Variants in SHANK2 observed in about 807,000 individuals in gnomAD.
The protein encoded by SHANK2 is SH3 and multiple ankyrin repeat domains protein 2.
A neutral mutation model predicts 133.7 loss-of-function variants in SHANK2; 43 were observed. The observed-to-expected ratio is 0.32, with a 90% confidence interval of 0.25 to 0.41. The LOEUF is 0.41. SHANK2 is among the 10% of genes least tolerant of loss of function. The pLI, the probability that SHANK2 is intolerant of heterozygous loss-of-function variation, is 1.00. For missense variants in SHANK2, 1,994 were observed against 2,235.8 expected, an observed-to-expected ratio of 0.89 and a Z score of 2.18; for synonymous variants, 1,017 against 952.8, an observed-to-expected ratio of 1.07 and a Z score of -1.24.
intron 24 of SHANK2, among the ~76,000 whole-genome samples, chr11:70,488,741 A>G (rs1338393391): frequency 3.3e-5 from 5 of 152,240 alleles, no homozygotes; most frequent in African/African-American, 1.2e-4. Flanking sequence ...GGACCACCAT[A>G]ATCGCAACTA....
intron 2 of SHANK2, among the ~76,000 whole-genome samples, chr11:71,204,492 C>T (rs782417122): frequency 6.6e-6 from 1 of 152,166 alleles, no homozygotes; most frequent in Non-Finnish European, 1.5e-5. Context: ...GGAAGAGGCA[C>T]CACAGGGTGC....
intron 17 of SHANK2, among the ~76,000 whole-genome samples, chr11:70,565,891 G>T (rs2059962485): frequency 6.6e-6 from 1 of 151,966 alleles, no homozygotes; most frequent in Non-Finnish European, 1.5e-5. Context: ...CAAACATAAA[G>T]CAATGTAAAG....
chr11:70,937,939 G>C (rs1379805949), intron 10 of SHANK2, among the ~76,000 whole-genome samples: 1 of 152,152 alleles, frequency 6.6e-6, no homozygotes, highest in Non-Finnish European at 1.5e-5. Flanking sequence ...GTGGATGCCT[G>C]TGTGCATGCC....
At chr11:70,635,705 T>C (rs1555003754) in intron 17 of SHANK2, among the ~76,000 whole-genome samples, 1 of 152,096 alleles carries the variant, frequency 6.6e-6, no homozygotes, top group Admixed American at 6.5e-5. Context: ...TGGTAAATTT[T>C]ACGGTATGTG....
chr11:70,630,777 T>C lies in SHANK2; in HGVS notation c.2061+29051A>G, dbSNP rs568600659. 6.6e-5 allele frequency among the ~76,000 whole-genome samples: 10 copies of C among 152,288 alleles called. 2 individuals carry two copies. Among genetic ancestry groups the C allele is most frequent in the African/African-American group, 2.2e-4 (9 of 41,552 alleles). The stretch of plus-strand genomic sequence containing the variant: ...GGAGGGAGAGGGCCCTGCCGACACC[T>C]TGACATTGGTCTCTGCCTCCAGAAC... On this transcript the variant is annotated intron_variant, in intron 17 of 25. Coordinates refer to ENST00000601538, the MANE Select transcript of SHANK2 (RefSeq NM_012309.5).
chr11:70,905,360 C>T (rs993030994), intron 10 of SHANK2, among the ~76,000 whole-genome samples: 4 of 152,224 alleles, frequency 2.6e-5, no homozygotes, highest in Non-Finnish European at 4.4e-5. Flanking sequence ...CACAAAGTGC[C>T]GCATCCTATA....
At chr11:70,923,054 A>T (rs1555080961) in intron 10 of SHANK2, among the ~76,000 whole-genome samples, 1 of 152,182 alleles carries the variant, frequency 6.6e-6, no homozygotes, top group African/African-American at 2.4e-5. Flanking sequence ...CAAACCCAAA[A>T]CCCAAACAGG....
intron 3 of SHANK2, among the ~76,000 whole-genome samples, chr11:71,135,482 GTT>G (rs71949830): frequency 0.067 from 7,770 of 115,498 alleles, 348 homozygotes; most frequent in African/African-American, 0.18. Flanking sequence ...GGGGGGATAT[GTT>G]TTTTTTTTTT....
intron 17 of SHANK2, among the ~76,000 whole-genome samples, chr11:70,579,493 G>A (rs1190357347): frequency 6.6e-6 from 1 of 152,164 alleles, no homozygotes; most frequent in Non-Finnish European, 1.5e-5. Context: ...TGGTATGAAT[G>A]TAAGACAGGC....
At chr11:70,785,778 C>T (rs894116227) in intron 14 of SHANK2, among the ~76,000 whole-genome samples, 9 of 152,172 alleles carry the variant, frequency 5.9e-5, no homozygotes, top group African/African-American at 1.9e-4. Context: ...GAGGTAACAG[C>T]GGCCTTGGGC....
chr11:70,944,683 T>A (rs1371058522), intron 10 of SHANK2, among the ~76,000 whole-genome samples: 1 of 152,154 alleles, frequency 6.6e-6, no homozygotes, highest in East Asian at 1.9e-4. Context: ...TGCCTGGGGG[T>A]GTCTTCTCAC....
chr11:71,234,713 C>A (rs977155841), intron 1 of SHANK2, among the ~76,000 whole-genome samples: 6 of 152,118 alleles, frequency 3.9e-5, no homozygotes, highest in African/African-American at 1.4e-4. Context: ...TGCCCGCATT[C>A]GAGCTAAGTC....
At chr11:70,714,456 CATT>C (rs1565262992) in intron 14 of SHANK2, among the ~76,000 whole-genome samples, 1 of 152,218 alleles carries the variant, frequency 6.6e-6, no homozygotes, top group African/African-American at 2.4e-5. Context: ...CAGGCACTGT[CATT>C]ATAATAATCA....
chr11:71,164,931 A>T (rs11604930), intron 2 of SHANK2, among the ~76,000 whole-genome samples: 15,810 of 152,216 alleles, frequency 0.1, 1,045 homozygotes, highest in Non-Finnish European at 0.14. Context: ...ATCATCTGTA[A>T]TGACAGTATT....
At chr11:71,060,709 T>A (rs1950977123) in intron 9 of SHANK2, among the ~76,000 whole-genome samples, 1 of 152,140 alleles carries the variant, frequency 6.6e-6, no homozygotes, top group Non-Finnish European at 1.5e-5. Context: ...AAGCCACGTG[T>A]GAGGCTCGAA....
At chr11:70,771,803 A>G (rs193262446) in intron 14 of SHANK2, among the ~76,000 whole-genome samples, 16 of 152,300 alleles carry the variant, frequency 1.1e-4, no homozygotes, top group Admixed American at 1.0e-3. Flanking sequence ...AATAATGAAC[A>G]CTTCCTGGAG....
At chr11:70,868,318 C>A (rs1396992498) in intron 11 of SHANK2, among the ~76,000 whole-genome samples, 2 of 152,148 alleles carry the variant, frequency 1.3e-5, no homozygotes, top group Non-Finnish European at 2.9e-5. Context: ...AGGGTCATAA[C>A]CTGTGCCTGC....
In SHANK2 at chr11:71,252,230, C is replaced by T. The variant is rs1260514024; in HGVS notation, c.-113+195G>A. On this transcript the variant is annotated intron_variant, in intron 1 of 25. Transcript: ENST00000601538. This position sits in a 1 kb window ranked among gnomAD's most constrained non-coding sequence, Gnocchi z 6.3. ...GGGCTCTCTACGGAAAATCGACCCCCACCTGGACACGCGGCTCACTCCCCC... is the reference window on the plus strand; with the variant it reads ...GGGCTCTCTACGGAAAATCGACCCCTACCTGGACACGCGGCTCACTCCCCC... Among the ~76,000 whole-genome samples, 1 of 152,154 alleles carries T rather than the reference C, an allele frequency of 6.6e-6. No homozygotes were observed.
intron 17 of SHANK2, among the ~76,000 whole-genome samples, chr11:70,534,643 A>T (rs1230394171): frequency 6.6e-6 from 1 of 152,088 alleles, no homozygotes; most frequent in African/African-American, 2.4e-5. Context: ...GGCTTCAACA[A>T]ATGCCAGCTG....
Sources: gnomAD v4.1 joint callset for allele counts (sites outside exome capture counted in the v4.1 genomes callset) on GRCh38, gnomAD v4.1.1 for gene constraint, Gnocchi (gnomAD v3.1) non-coding constraint, MANE v1.5 for transcripts, NCBI Gene and HGNC (gene_info 2026-07-23, HGNC 2026-07-21) for gene names.